SLC36A1: variants seen among roughly 807,000 people sequenced by gnomAD.
SLC36A1 encodes the protein solute carrier family 36 member 1, also known as proton-coupled amino acid transporter 1.
A neutral mutation model predicts 47.5 loss-of-function variants in SLC36A1; 30 were observed. That is an observed-to-expected ratio of 0.63 (90% CI 0.47 to 0.86). The LOEUF (loss-of-function observed/expected upper bound fraction) is 0.86, where lower values mean the gene tolerates loss of function less well. SLC36A1 is among the 40% of genes least tolerant of loss of function. The pLI is 0.00. For synonymous variants in SLC36A1, 255 were observed against 249.7 expected, an observed-to-expected ratio of 1.02 and a Z score of -0.20; for missense variants, 517 against 606.0, an observed-to-expected ratio of 0.85 and a Z score of 1.54.
chr5:151,467,308 A>G, intron 6 of SLC36A1, 25 bp downstream of exon 6: 1 of 1,398,486 alleles, frequency 7.2e-7, no homozygotes, highest in South Asian at 1.3e-5. Flanking sequence ...AAAAAAGAAA[A>G]AAAAAAAAAA....
At chr5:151,542,598 A>G in the SLC36A1 span, 1 of 1,614,214 alleles carries the variant, frequency 6.2e-7, no homozygotes, top group Non-Finnish European at 8.5e-7. Flanking sequence ...GCTCATGGAC[A>G]TTGCTACCAG....
chr5:151,549,922 C>T, the SLC36A1 span, among the ~76,000 whole-genome samples: 4 of 152,288 alleles, frequency 2.6e-5, no homozygotes, highest in East Asian at 1.9e-4. Context: ...GCCTTGAATA[C>T]GTATTATATG....
At chr5:151,433,246 ATAT>A (rs1259448155), upstream of SLC36A1, among the ~76,000 whole-genome samples, 2 of 10,676 alleles carry the variant, frequency 1.9e-4, no homozygotes, top group East Asian at 4.2e-3. Flanking sequence ...ATATATATAT[ATAT>A]ATATATATAT....
In SLC36A1 at chr5:151,489,044, TCTC is replaced by T. The variant is rs143202941; in HGVS notation, c.*793_*795del. ...TTCTTCAGTAAACTTTGACTCAACTTCTCCTGCTGAAAAGAAGCTCGCTCCAGA... is the reference window on the plus strand; with the variant it reads ...TTCTTCAGTAAACTTTGACTCAACTTCTGCTGAAAAGAAGCTCGCTCCAGA... On this transcript the variant is annotated 3_prime_UTR_variant, in exon 11 of 11. Transcript: ENST00000243389. The surrounding 1 kb of genome is among the most constrained non-coding windows in gnomAD (Gnocchi z 4.5). 9,834 of 152,206 alleles carry T rather than the reference TCTC, an allele frequency of 0.065. 353 individuals are homozygous for T. The highest frequency in any genetic ancestry group is 0.1 in the African/African-American group (4,210 of 41,506). The allele number at this position is 152,206 out of a possible 1,614,324, so 9.4% of individuals were successfully genotyped here. A position where few individuals can be genotyped will look rare whatever the true frequency, so the allele number is the denominator to read the frequency against.
chr5:151,470,613 G>A (rs1757184225), intron 7 of SLC36A1, among the ~76,000 whole-genome samples: 1 of 152,164 alleles, frequency 6.6e-6, no homozygotes, highest in South Asian at 2.1e-4. Context: ...CCATAGTGTT[G>A]TAGTTGCTTC....
At chr5:151,544,454 G>A in the SLC36A1 span, 8 of 1,614,174 alleles carry the variant, frequency 5.0e-6, no homozygotes, top group Non-Finnish European at 6.8e-6. Context: ...GTTACTGTTA[G>A]GACACCAGTC....
At chr5:151,378,487 G>T in the SLC36A1 span, 1 of 215,646 alleles carries the variant, frequency 4.6e-6, no homozygotes, top group South Asian at 8.4e-5. Context: ...TTCAAATTAG[G>T]GTCACCTTGA....
At chr5:151,525,903 C>A in the SLC36A1 span, 1 of 1,614,200 alleles carries the variant, frequency 6.2e-7, no homozygotes, top group African/African-American at 1.3e-5. Context: ...GGGGGCCATT[C>A]TCTGGAGAAT....
intron 7 of SLC36A1, among the ~76,000 whole-genome samples, chr5:151,468,301 T>TATAAAAA (rs1554113588): frequency 1.1e-5 from 1 of 93,408 alleles, no homozygotes; most frequent in African/African-American, 4.0e-5. Flanking sequence ...ATATTTTATA[T>TATAAAAA]ATATATATTT....
the SLC36A1 span, among the ~76,000 whole-genome samples, chr5:151,415,037 C>T: frequency 6.6e-6 from 1 of 152,104 alleles, no homozygotes; most frequent in African/African-American, 2.4e-5. Flanking sequence ...GAGGGCCTGC[C>T]TTGATCTCCC....
chr5:151,538,145 T>G, the SLC36A1 span, among the ~76,000 whole-genome samples: 182 of 149,820 alleles, frequency 1.2e-3, no homozygotes, highest in African/African-American at 4.4e-3. Flanking sequence ...ACAGAGGAGG[T>G]AGAATAAGAT....
chr5:151,465,277 G>C (rs541468624), intron 5 of SLC36A1, 108 bp downstream of exon 5: 1 of 886,014 alleles, frequency 1.1e-6, no homozygotes, highest in African/African-American at 1.7e-5. Context: ...GTGCTGTTTG[G>C]GTCAGTTGCC....
At chr5:151,536,106 C>T in the SLC36A1 span, among the ~76,000 whole-genome samples, 1 of 152,020 alleles carries the variant, frequency 6.6e-6, no homozygotes, top group African/African-American at 2.4e-5. Context: ...GAATATATAC[C>T]AAGAGTCCTT....
chr5:151,467,945 C>T lies in SLC36A1; in HGVS notation c.723+20C>T. ...GTTCAGGTACATGCCTAGGCCCTCT[C>T]CTATCATCTTGGTTCAATATTTTAA... On this transcript the variant is annotated intron_variant, in intron 7 of 10. Coordinates refer to ENST00000243389, the MANE Select transcript of SLC36A1 (RefSeq NM_078483.4). 6.2e-7 allele frequency: 1 copy of T among 1,603,402 alleles called. No homozygotes were observed. The highest frequency in any genetic ancestry group is 1.1e-5 in the South Asian group (1 of 90,838).
chr5:151,364,847 T>C, the SLC36A1 span, among the ~76,000 whole-genome samples: 8 of 152,282 alleles, frequency 5.3e-5, no homozygotes, highest in East Asian at 1.9e-4. Flanking sequence ...CTGCTTGATA[T>C]ATGCTTCTGC....
At chr5:151,384,230 C>T in the SLC36A1 span, among the ~76,000 whole-genome samples, 1 of 152,196 alleles carries the variant, frequency 6.6e-6, no homozygotes, top group Non-Finnish European at 1.5e-5. Flanking sequence ...GGAGATCCAA[C>T]ATGTATCCTC....
the SLC36A1 span, among the ~76,000 whole-genome samples, chr5:151,427,601 T>C: frequency 6.6e-6 from 1 of 152,168 alleles, no homozygotes; most frequent in Non-Finnish European, 1.5e-5. Context: ...AACTATGTCT[T>C]AGGAGTAGAG....
chr5:151,481,243 A>C (rs1313727019), intron 10 of SLC36A1, among the ~76,000 whole-genome samples: 1 of 152,166 alleles, frequency 6.6e-6, no homozygotes, highest in Non-Finnish European at 1.5e-5. Flanking sequence ...AAGTGTGTGC[A>C]GTTGTTTTTC....
chr5:151,540,479 T>C, the SLC36A1 span: 1 of 1,232,996 alleles, frequency 8.1e-7, no homozygotes, highest in Non-Finnish European at 1.1e-6. Flanking sequence ...CAATCTCCCT[T>C]CTCCTGCTCC....
Sources: gnomAD v4.1 joint callset for allele counts (sites outside exome capture counted in the v4.1 genomes callset) on GRCh38, gnomAD v4.1.1 for gene constraint, Gnocchi (gnomAD v3.1) non-coding constraint, MANE v1.5 for transcripts, NCBI Gene and HGNC (gene_info 2026-07-23, HGNC 2026-07-21) for gene names.